CREBBP: variants seen among roughly 807,000 people sequenced by gnomAD.
The protein encoded by CREBBP is CREB binding lysine acetyltransferase.
In CREBBP, 19 loss-of-function variants were observed where a neutral mutation model predicts 265.0. The ratio of observed to expected loss-of-function variants is 0.07; its 90% confidence interval spans 0.05 to 0.11. The LOEUF is 0.11. Among genes scored for constraint, CREBBP ranks in the 10% least tolerant of loss-of-function variants. CREBBP has a pLI of 1.00. For synonymous variants in CREBBP, 1,457 were observed against 1,223.7 expected (o/e 1.19, Z -3.98); for missense variants, 2,525 against 3,219.0 (o/e 0.78, Z 5.22).
Position 3,767,747 on chromosome 16 carries a change from T to C in CREBBP, c.3223A>G (p.Thr1075Ala), listed in dbSNP as rs774615320. 9.9e-6 allele frequency: 16 copies of C among 1,614,146 alleles called. No homozygotes were observed. Among genetic ancestry groups the C allele is most frequent in the Middle Eastern group, 1.6e-4 (1 of 6,084 alleles). The change falls in exon 16 of 31, where the codon ACA (threonine) becomes GCA (alanine). Residue 1075 changes from threonine to alanine, a missense_variant. This residue lies in a region of CREBBP where 548 missense variants were observed against 533.0 expected (regional missense o/e 1.03). Coordinates refer to ENST00000262367, the MANE Select transcript of CREBBP (RefSeq NM_004380.3). Reference protein sequence around the residue: ...SSSNGTASQSTSPSQPRKKIF... With the variant: ...SSSNGTASQSASPSQPRKKIF... ...TTTTTGCGCGGCTGCGAAGGAGATG[T>C]TGACTGAGAGGCTGTGCCGTTACTG...
In CREBBP at chr16:3,820,992, G is replaced by C. The variant is rs143361730; in HGVS notation, c.799-10213C>G. ...GCAGGTCCCTACAGTTAGAGACGCTGGTTCCCCAAGGTGCAGTCTGCATTA... is the reference window on the plus strand; with the variant it reads ...GCAGGTCCCTACAGTTAGAGACGCTCGTTCCCCAAGGTGCAGTCTGCATTA... On this transcript the variant is annotated intron_variant, in intron 2 of 30. Transcript: ENST00000262367. Among the ~76,000 whole-genome samples, 458 of 152,318 alleles carry C rather than the reference G, an allele frequency of 3.0e-3. 6 individuals are homozygous for C. The highest frequency in any genetic ancestry group is 0.011 in the African/African-American group (438 of 41,570).
intron 4 of CREBBP, among the ~76,000 whole-genome samples, chr16:3,792,392 A>C (rs539497077): frequency 6.6e-6 from 1 of 152,386 alleles, no homozygotes; most frequent in South Asian, 2.1e-4. Flanking sequence ...CTGCAATGAA[A>C]GGTAGAACAA....
chr16:3,752,324 G>A (rs2052492924), intron 19 of CREBBP, among the ~76,000 whole-genome samples: 1 of 152,102 alleles, frequency 6.6e-6, no homozygotes, highest in Non-Finnish European at 1.5e-5. Context: ...AATTTAAACT[G>A]AAATAGCTTT....
At chr16:3,823,630 C>G (rs1220220384) in intron 2 of CREBBP, among the ~76,000 whole-genome samples, 1 of 152,140 alleles carries the variant, frequency 6.6e-6, no homozygotes, top group African/African-American at 2.4e-5. Flanking sequence ...ACGTTTGGCT[C>G]TTGGTACCAC....
intron 1 of CREBBP, among the ~76,000 whole-genome samples, chr16:3,853,293 G>T (rs2054892121): frequency 6.6e-6 from 1 of 152,188 alleles, no homozygotes; most frequent in Non-Finnish European, 1.5e-5. Flanking sequence ...ATAACAGGAG[G>T]TTTAATAAGC....
At chr16:3,826,932 G>A (rs950581638) in intron 2 of CREBBP, among the ~76,000 whole-genome samples, 1 of 152,190 alleles carries the variant, frequency 6.6e-6, no homozygotes, top group East Asian at 1.9e-4. Context: ...TGCGTGGATG[G>A]TGGGGAGGAG....
At chr16:3,809,972 C>T (rs1163465130) in intron 3 of CREBBP, among the ~76,000 whole-genome samples, 3 of 151,860 alleles carry the variant, frequency 2.0e-5, no homozygotes, top group Non-Finnish European at 4.4e-5. Flanking sequence ...GACAAAAGAA[C>T]GCACTACCCC....
At chr16:3,878,004 G>A (rs1164228181) in intron 1 of CREBBP, among the ~76,000 whole-genome samples, 1 of 152,188 alleles carries the variant, frequency 6.6e-6, no homozygotes, top group Non-Finnish European at 1.5e-5. Context: ...ACACTACTAT[G>A]GAAAAAGCTA....
intron 1 of CREBBP, among the ~76,000 whole-genome samples, chr16:3,859,885 A>T (rs920595681): frequency 2.0e-5 from 3 of 152,188 alleles, no homozygotes; most frequent in African/African-American, 7.2e-5. Flanking sequence ...ACAATAAAAA[A>T]CCAGTAAACA....
intron 2 of CREBBP, among the ~76,000 whole-genome samples, chr16:3,822,957 T>C (rs1029629168): frequency 1.3e-5 from 2 of 151,916 alleles, no homozygotes; most frequent in African/African-American, 4.8e-5. Flanking sequence ...AGGGGTGAGG[T>C]CAACATAAGG....
intron 16 of CREBBP, among the ~76,000 whole-genome samples, chr16:3,760,391 G>GTT (rs35861892): frequency 0.022 from 1,701 of 75,956 alleles, 225 homozygotes; most frequent in African/African-American, 0.073. Flanking sequence ...TCATGCCCAG[G>GTT]TTTTTTTTTT....
At chr16:3,734,103 T>C (rs527729334) in intron 28 of CREBBP, among the ~76,000 whole-genome samples, 14 of 152,218 alleles carry the variant, frequency 9.2e-5, no homozygotes, top group Non-Finnish European at 2.1e-4. Flanking sequence ...GTTTGCGACA[T>C]TCCTCACGAA....
In CREBBP at chr16:3,849,449, GTGTGT is replaced by G. The variant is rs1567360726; in HGVS notation, c.798+843_798+847del. Among the ~76,000 whole-genome samples the G allele has an allele frequency of 3.4e-3, 165 of 49,046 alleles. 9 individuals are homozygous for G. Among genetic ancestry groups the G allele is most frequent in the Non-Finnish European group, 6.4e-3 (119 of 18,506 alleles). 32.2% of individuals were successfully genotyped at this position (49,046 alleles called of 152,430 possible). On this transcript the variant is annotated intron_variant, in intron 2 of 30. Coordinates refer to ENST00000262367, the MANE Select transcript of CREBBP (RefSeq NM_004380.3). ...TGTGTGTGTGTGTGTGTGTGTGTGT[GTGTGT>G]GTGTGTGTGTGTGTGTGTGTGTGTG...
intron 28 of CREBBP, among the ~76,000 whole-genome samples, 178 bp downstream of exon 28, chr16:3,735,858 A>G (rs542982496): frequency 5.3e-5 from 8 of 151,430 alleles, no homozygotes; most frequent in African/African-American, 1.9e-4. Flanking sequence ...CTGTGCAGAG[A>G]GTGCAGAGCC....
chr16:3,782,622 C>G, intron 6 of CREBBP, 62 bp downstream of exon 6: 2 of 1,582,816 alleles, frequency 1.3e-6, no homozygotes, highest in Non-Finnish European at 1.7e-6. Context: ...TGGGTTCCAT[C>G]ACTCCATTCC....
At chr16:3,745,144 T>C (rs2052311049) in intron 22 of CREBBP, 133 bp downstream of exon 22, 2 of 997,902 alleles carry the variant, frequency 2.0e-6, no homozygotes, top group Non-Finnish European at 3.1e-6. Context: ...GAACTTAAAT[T>C]TAGAACCAAC....
chr16:3,804,481 G>C (rs1313211815), intron 3 of CREBBP, among the ~76,000 whole-genome samples: 1 of 152,168 alleles, frequency 6.6e-6, no homozygotes, highest in African/African-American at 2.4e-5. Context: ...AAGGAAGTTA[G>C]GGTGATTTGG....
At chr16:3,741,323 G>C (rs1048018222) in intron 23 of CREBBP, 2 of 152,238 alleles carry the variant, frequency 1.3e-5, no homozygotes, top group African/African-American at 4.8e-5. Context: ...GATTTTAAAA[G>C]ATGTTTTCTT....
At chr16:3,876,033 G>A (rs1201729299) in intron 1 of CREBBP, among the ~76,000 whole-genome samples, 1 of 151,998 alleles carries the variant, frequency 6.6e-6, no homozygotes, top group Non-Finnish European at 1.5e-5. Flanking sequence ...TCAGAATGTA[G>A]TTTTTCTTTT....
Sources: allele counts gnomAD v4.1 joint callset (sites outside exome capture counted in the v4.1 genomes callset), GRCh38; gene constraint gnomAD v4.1.1; regional missense constraint gnomAD v4.1.1; transcripts MANE v1.5; gene names NCBI Gene and HGNC (gene_info 2026-07-23, HGNC 2026-07-21).